VAV2: variants seen among roughly 807,000 people sequenced by gnomAD.
The protein encoded by VAV2 is guanine nucleotide exchange factor VAV2.
Under a neutral mutation model 132.5 loss-of-function variants are expected in VAV2, and 67 were observed. That is an observed-to-expected ratio of 0.51 (90% CI 0.42 to 0.62). The LOEUF is 0.62. VAV2 is among the 20% of genes least tolerant of loss of function. The pLI, the probability that VAV2 is intolerant of heterozygous loss-of-function variation, is 0.00. For synonymous variants in VAV2, 492 were observed against 443.5 expected (o/e 1.11, Z -1.37); for missense variants, 938 against 1,153.6 (o/e 0.81, Z 2.71).
In VAV2 at chr9:133,812,118, G is replaced by A; in HGVS notation, c.548C>T (p.Pro183Leu). 2 of 1,613,900 alleles carry A rather than the reference G, an allele frequency of 1.2e-6. No homozygotes were observed. The highest frequency in any genetic ancestry group is 2.2e-5 in the East Asian group (1 of 44,870). ...GAGGAGCGGGGCAGGGCTCACCATGGGCTGCTGCACCTCCACCTTGATGAT... is the reference window on the plus strand; with the variant it reads ...GAGGAGCGGGGCAGGGCTCACCATGAGCTGCTGCACCTCCACCTTGATGAT... ...EDIIKVEVQQ[P>L]MIRYMQKMGM... is the part of the protein sequence containing the mutation. The change falls in exon 5 of 30, where the codon CCC becomes CTC. Residue 183 changes from proline (P) to leucine (L), a missense_variant. Physicochemically the swap from Pro to Leu is moderately conservative, Grantham distance 98 (BLOSUM62 -3). Coordinates refer to ENST00000371850, the MANE Select transcript of VAV2 (RefSeq NM_001134398.2).
chr9:133,821,741 A>G (rs1300171476), intron 4 of VAV2, among the ~76,000 whole-genome samples: 1 of 152,160 alleles, frequency 6.6e-6, no homozygotes, highest in Non-Finnish European at 1.5e-5. Flanking sequence ...TTCAGGGATC[A>G]TTCTTCTCTG....
At chr9:133,822,596 G>A (rs1237431802) in intron 4 of VAV2, among the ~76,000 whole-genome samples, 1 of 152,148 alleles carries the variant, frequency 6.6e-6, no homozygotes, top group African/African-American at 2.4e-5. Flanking sequence ...TTTTCTACAG[G>A]TGGGGAAACC....
At chr9:133,809,459 G>A (rs571687238) in intron 6 of VAV2, among the ~76,000 whole-genome samples, 97 of 152,318 alleles carry the variant, frequency 6.4e-4, no homozygotes, top group African/African-American at 2.1e-3. Context: ...CACCAGACTG[G>A]GGTGAGGGCC....
Position 133,794,429 on chromosome 9 carries a change from TC to T in VAV2, c.1101+1238del, listed in dbSNP as rs1274684581. ...GCCCACAGGATTTGGAGTAAATTTC[TC>T]CCCGAGCACAAGCCCTGCTCAGAGA... On this transcript the variant is annotated intron_variant, in intron 12 of 29. Transcript: ENST00000371850. This position sits in a 1 kb window ranked among gnomAD's most constrained non-coding sequence, Gnocchi z 4.6. Among the ~76,000 whole-genome samples, 1 of 151,994 alleles carries T rather than the reference TC, an allele frequency of 6.6e-6. No homozygotes were observed. The highest frequency in any genetic ancestry group is 1.5e-5 in the Non-Finnish European group (1 of 68,008).
intron 2 of VAV2, among the ~76,000 whole-genome samples, chr9:133,871,992 G>A (rs1359916527): frequency 6.6e-6 from 1 of 152,202 alleles, no homozygotes; most frequent in Non-Finnish European, 1.5e-5. Context: ...CACTGGGAAT[G>A]AAATGTTGGG....
intron 2 of VAV2, among the ~76,000 whole-genome samples, chr9:133,898,593 C>CA (rs889178960): frequency 2.0e-5 from 3 of 151,778 alleles, no homozygotes; most frequent in Admixed American, 6.6e-5. Flanking sequence ...GACTCTGCCT[C>CA]AAAAAAATAA....
Position 133,989,545 on chromosome 9 carries a change from C to A in VAV2, c.204+2530G>T, listed in dbSNP as rs1463511785. Reference sequence around the variant, plus strand: ...AAAAAAAAAAAAAAAAAAAGCTGGGCGTGGTGGAGCGTGCCGGTAGTCCCA... The same window carrying A: ...AAAAAAAAAAAAAAAAAAAGCTGGGAGTGGTGGAGCGTGCCGGTAGTCCCA... On this transcript the variant is annotated intron_variant, in intron 1 of 29. Transcript: ENST00000371850. 4.8e-5 allele frequency among the ~76,000 whole-genome samples: 7 copies of A among 146,206 alleles called. No homozygotes were observed. The South Asian group carries it at 1.5e-3, about 32-fold the overall frequency.
In VAV2 at chr9:133,763,787, C is replaced by T. The variant is rs1028636346; in HGVS notation, c.*275G>A. The stretch of plus-strand genomic sequence containing the variant: ...CTCAGCCACTACCCAGAGCCTGGCT[C>T]GCAGCGCTGTCGGTGCCCCCTCCTC... On this transcript the variant is annotated 3_prime_UTR_variant, in exon 30 of 30. Transcript: ENST00000371850. This position sits in a 1 kb window ranked among gnomAD's most constrained non-coding sequence, Gnocchi z 6.8. 1.3e-5 allele frequency: 6 copies of T among 474,276 alleles called. No individual in the cohort carries two copies. The highest frequency in any genetic ancestry group is 2.3e-5 in the Non-Finnish European group (6 of 258,094). 29.4% of individuals were successfully genotyped at this position (474,276 alleles called of 1,614,324 possible). A position where few individuals can be genotyped will look rare whatever the true frequency, so the allele number is the denominator to read the frequency against.
chr9:133,871,356 T>G (rs1175702832), intron 2 of VAV2, among the ~76,000 whole-genome samples: 1 of 139,524 alleles, frequency 7.2e-6, no homozygotes, highest in South Asian at 2.3e-4. Context: ...GATGGACAGA[T>G]GGTAAATGGG....
chr9:133,936,516 T>C (rs560407320), intron 2 of VAV2, among the ~76,000 whole-genome samples: 65 of 152,304 alleles, frequency 4.3e-4, no homozygotes, highest in Admixed American at 1.2e-3. Context: ...GTGCTCAGGT[T>C]ACAGGCGTGA....
intron 1 of VAV2, among the ~76,000 whole-genome samples, chr9:133,944,083 C>T (rs374151966): frequency 1.3e-5 from 2 of 152,222 alleles, no homozygotes; most frequent in Non-Finnish European, 2.9e-5. Context: ...TGGCAAGCTT[C>T]ACCGGCCAAG....
At chr9:133,779,108 G>A (rs1478721493) in intron 21 of VAV2, among the ~76,000 whole-genome samples, 1 of 152,234 alleles carries the variant, frequency 6.6e-6, no homozygotes, top group Non-Finnish European at 1.5e-5. Context: ...GGTCATCATG[G>A]AACAGCAACT....
Position 133,928,509 on chromosome 9 carries a change from G to A in VAV2, c.321+10594C>T, listed in dbSNP as rs1840561494. On this transcript the variant is annotated intron_variant, in intron 2 of 29. Transcript: ENST00000371850. The surrounding 1 kb of genome is among the most constrained non-coding windows in gnomAD (Gnocchi z 5.4). The stretch of plus-strand genomic sequence containing the variant: ...CTCACTGCCAGCATTAAGGCAGGGA[G>A]TGCAAATGAACTCACCGCAGCATTA... 6.6e-6 allele frequency among the ~76,000 whole-genome samples: 1 copy of A among 152,214 alleles called. No individual in the cohort carries two copies. The highest frequency in any genetic ancestry group is 6.5e-5 in the Admixed American group (1 of 15,276).
chr9:133,889,609 A>G (rs1838849565), intron 2 of VAV2, among the ~76,000 whole-genome samples: 1 of 152,178 alleles, frequency 6.6e-6, no homozygotes, highest in African/African-American at 2.4e-5. Context: ...CCCCAGTCCC[A>G]CACTGCAACT....
intron 3 of VAV2, among the ~76,000 whole-genome samples, chr9:133,858,744 T>C (rs1837482197): frequency 6.6e-6 from 1 of 152,132 alleles, no homozygotes; most frequent in Non-Finnish European, 1.5e-5. Flanking sequence ...CGGGGAGACA[T>C]CTCCGGCATG....
At chr9:133,849,959 C>A (rs573388076) in intron 3 of VAV2, among the ~76,000 whole-genome samples, 1 of 152,232 alleles carries the variant, frequency 6.6e-6, no homozygotes, top group Non-Finnish European at 1.5e-5. Flanking sequence ...CGGAGGGATA[C>A]AGCTTTTGGG....
At chr9:133,866,622 G>A (rs941854153) in intron 2 of VAV2, among the ~76,000 whole-genome samples, 3 of 152,112 alleles carry the variant, frequency 2.0e-5, no homozygotes, top group African/African-American at 7.2e-5. Context: ...TGGCCAACAT[G>A]GTGAAACCCC....
At position 133,778,813 on chromosome 9, in the gene VAV2, C is replaced by A. The variant is rs145229236; in HGVS notation, c.1839G>T (p.Thr613=). Residue 613 remains threonine (T), a synonymous_variant, in exon 22 of 30, where the codon ACG becomes ACT. Coordinates refer to ENST00000371850, the MANE Select transcript of VAV2 (RefSeq NM_001134398.2). ...PPGKPVLTFQ[T]GDVLELLRGD... Reference sequence around the variant, plus strand: ...CCCTCAGCAGCTCAAGCACGTCGCCCGTCTGGAAGGTCAGCACAGGCTTCC... The same window carrying A: ...CCCTCAGCAGCTCAAGCACGTCGCCAGTCTGGAAGGTCAGCACAGGCTTCC... 3.7e-6 allele frequency: 6 copies of A among 1,613,110 alleles called. No homozygotes were observed. Among genetic ancestry groups the A allele is most frequent in the East Asian group, 4.5e-5 (2 of 44,864 alleles).
At chr9:133,858,628 C>A (rs1290279795) in intron 3 of VAV2, among the ~76,000 whole-genome samples, 3 of 152,206 alleles carry the variant, frequency 2.0e-5, no homozygotes, top group African/African-American at 7.2e-5. Flanking sequence ...TTACTGAGCC[C>A]TTCTCTGGGC....
Sources: allele counts gnomAD v4.1 joint callset (sites outside exome capture counted in the v4.1 genomes callset), GRCh38; gene constraint gnomAD v4.1.1; non-coding constraint Gnocchi (gnomAD v3.1); transcripts MANE v1.5; gene names NCBI Gene and HGNC (gene_info 2026-07-23, HGNC 2026-07-21).